RNF216: variants seen among roughly 807,000 people sequenced by gnomAD.
The protein encoded by RNF216 is E3 ubiquitin-protein ligase RNF216.
A neutral mutation model predicts 110.8 loss-of-function variants in RNF216; 72 were observed. The observed-to-expected ratio is 0.65, with a 90% CI of 0.54 to 0.79. RNF216 has a LOEUF of 0.79. Ranked by LOEUF, RNF216 falls within the 30% of genes least tolerant of loss-of-function variation. The pLI, the probability that RNF216 is intolerant of heterozygous loss-of-function variation, is 0.00. For missense variants in RNF216, 1,342 were observed against 1,141.2 expected (o/e 1.18, Z -2.54); for synonymous variants, 495 against 407.5 (o/e 1.21, Z -2.59).
intron 13 of RNF216, among the ~76,000 whole-genome samples, chr7:5,705,373 C>T (rs1230033470): frequency 6.6e-6 from 1 of 152,232 alleles, no homozygotes; most frequent in South Asian, 2.1e-4. Flanking sequence ...CCTGTGAGAC[C>T]TCTGGCTTTC....
chr7:5,627,943 A>C (rs1043557766), intron 15 of RNF216, among the ~76,000 whole-genome samples: 1 of 152,094 alleles, frequency 6.6e-6, no homozygotes, highest in African/African-American at 2.4e-5. Context: ...CTCCTGAATA[A>C]ATCCTATTTC....
At chr7:5,775,632 G>C (rs1306257577) in intron 1 of RNF216, among the ~76,000 whole-genome samples, 1 of 151,914 alleles carries the variant, frequency 6.6e-6, no homozygotes. Flanking sequence ...AACTTTGAGA[G>C]GCCGAGGTGA....
At chr7:5,751,994 T>C (rs1795355979) in intron 3 of RNF216, among the ~76,000 whole-genome samples, 1 of 152,062 alleles carries the variant, frequency 6.6e-6, no homozygotes, top group African/African-American at 2.4e-5. Flanking sequence ...AAGACCAGCC[T>C]GGCCAAGATA....
chr7:5,742,289 C>T (rs755041689), intron 3 of RNF216, among the ~76,000 whole-genome samples: 3 of 151,920 alleles, frequency 2.0e-5, no homozygotes, highest in South Asian at 2.1e-4. Context: ...TCAAGTGATC[C>T]GCCTCCCTCA....
intron 13 of RNF216, among the ~76,000 whole-genome samples, chr7:5,664,251 G>A (rs990270047): frequency 7.2e-5 from 11 of 152,158 alleles, no homozygotes; most frequent in Non-Finnish European, 1.0e-4. Flanking sequence ...ATTATGCCAA[G>A]TATTTTATGA....
intron 14 of RNF216, among the ~76,000 whole-genome samples, chr7:5,643,069 G>C (rs555457938): frequency 6.6e-6 from 1 of 152,074 alleles, no homozygotes; most frequent in Non-Finnish European, 1.5e-5. Flanking sequence ...ATAATAATGG[G>C]TATGGAGGGA....
chr7:5,715,393 A>C (rs560749946), intron 10 of RNF216, among the ~76,000 whole-genome samples: 1 of 152,302 alleles, frequency 6.6e-6, no homozygotes, highest in Admixed American at 6.5e-5. Context: ...TCCATACCTA[A>C]AACAGCGAGG....
At chr7:5,753,747 A>G (rs1317042905) in intron 2 of RNF216, among the ~76,000 whole-genome samples, 2 of 152,236 alleles carry the variant, frequency 1.3e-5, no homozygotes, top group Non-Finnish European at 2.9e-5. Context: ...CTGTAATCCC[A>G]GCACTTTGGG....
chr7:5,624,151 G>C lies in RNF216; in HGVS notation c.2383-26C>G. 3 of 1,602,562 alleles carry C rather than the reference G, an allele frequency of 1.9e-6. No homozygotes were observed. The highest frequency in any genetic ancestry group is 1.7e-6 in the Non-Finnish European group (2 of 1,172,040). On this transcript the variant is annotated intron_variant, in intron 15 of 16. Transcript: ENST00000389902. This position sits in a 1 kb window ranked among gnomAD's most constrained non-coding sequence, Gnocchi z 4.4. ...CTAAAACGCAAGCAATGAGAAGGATGAACCTGTAGCTTCATGCAGTGCTGA... is the reference window on the plus strand; with the variant it reads ...CTAAAACGCAAGCAATGAGAAGGATCAACCTGTAGCTTCATGCAGTGCTGA...
At chr7:5,747,522 T>C (rs950413508) in intron 3 of RNF216, among the ~76,000 whole-genome samples, 1 of 152,192 alleles carries the variant, frequency 6.6e-6, no homozygotes, top group African/African-American at 2.4e-5. Flanking sequence ...TCTACGGTGT[T>C]ATCTGAAAGC....
At chr7:5,659,979 AG>A (rs1788997670) in intron 13 of RNF216, among the ~76,000 whole-genome samples, 1 of 144,268 alleles carries the variant, frequency 6.9e-6, no homozygotes. Context: ...TTTAGAGACA[AG>A]GTCTTGCTCT....
At position 5,740,995 on chromosome 7, in the gene RNF216, A is replaced by G; in HGVS notation, c.1022T>C (p.Val341Ala). ...TACCGTTTCTTTCACTAGTAGTTCA[A>G]CGAGCTCTTGATCTACCTCTGCAGC... ...QEAAEVDQEL[V>A]ELLVKETEAR... The change falls in exon 4 of 17, where the codon GTT becomes GCT. Residue 341 changes from valine to alanine, a missense_variant. Coordinates refer to ENST00000389902, the MANE Select transcript of RNF216 (RefSeq NM_207111.4). 1.9e-6 allele frequency: 3 copies of G among 1,607,276 alleles called. No individual in the cohort carries two copies. The highest frequency in any genetic ancestry group is 2.5e-6 in the Non-Finnish European group (3 of 1,177,908).
rs577660457 is a variant in RNF216 at position 5,624,589 on chromosome 7, C to T, written c.2383-464G>A. Among the ~76,000 whole-genome samples the T allele has an allele frequency of 3.9e-5, 6 of 152,338 alleles. No homozygotes were observed. The highest frequency in any genetic ancestry group is 1.9e-4 in the East Asian group (1 of 5,180). ...CAACTGAGATGGACAAATGTCCAGT[C>T]GGGCCCTGCTTAGCCCCCAAGGCTG... On this transcript the variant is annotated intron_variant, in intron 15 of 16. Coordinates refer to ENST00000389902, the MANE Select transcript of RNF216 (RefSeq NM_207111.4). This position sits in a 1 kb window ranked among gnomAD's most constrained non-coding sequence, Gnocchi z 4.4.
chr7:5,767,485 C>G (rs1379460965), intron 1 of RNF216, among the ~76,000 whole-genome samples: 1 of 152,076 alleles, frequency 6.6e-6, no homozygotes, highest in East Asian at 1.9e-4. Context: ...CCTCCTCACC[C>G]CCCACCAAGT....
intron 1 of RNF216, among the ~76,000 whole-genome samples, chr7:5,764,601 T>C (rs1179276766): frequency 3.3e-5 from 5 of 151,532 alleles, no homozygotes; most frequent in Admixed American, 2.0e-4. Flanking sequence ...TAGGCCAAGA[T>C]TGTGCCACTA....
intron 3 of RNF216, among the ~76,000 whole-genome samples, chr7:5,747,776 G>T (rs7794687): frequency 8.0e-5 from 2 of 25,136 alleles, no homozygotes; most frequent in Admixed American, 5.8e-4. Flanking sequence ...AAAAAAAAAA[G>T]GGGAAAAAAA....
intron 4 of RNF216, among the ~76,000 whole-genome samples, chr7:5,740,028 A>G (rs1028549567): frequency 6.6e-6 from 1 of 151,124 alleles, no homozygotes; most frequent in Non-Finnish European, 1.5e-5. Context: ...CAAAAACAAA[A>G]CAAAAAAAAC....
chr7:5,739,618 ATC>A (rs766535534), intron 4 of RNF216: 21 of 548,078 alleles, frequency 3.8e-5, no homozygotes, highest in Non-Finnish European at 5.9e-5. Flanking sequence ...AATATTGAGC[ATC>A]TCTGTCTAGA....
intron 1 of RNF216, among the ~76,000 whole-genome samples, chr7:5,771,512 C>A (rs186287902): frequency 1.3e-5 from 2 of 152,194 alleles, no homozygotes; most frequent in African/African-American, 4.8e-5. Flanking sequence ...GAAAAAGAAT[C>A]CCGGCGGGGT....
Sources: allele counts gnomAD v4.1 joint callset (sites outside exome capture counted in the v4.1 genomes callset), GRCh38; gene constraint gnomAD v4.1.1; non-coding constraint Gnocchi (gnomAD v3.1); transcripts MANE v1.5; gene names NCBI Gene and HGNC (gene_info 2026-07-23, HGNC 2026-07-21).